The following RGS6 variants were observed in gnomAD, a reference collection of about 807,000 sequenced individuals.
RGS6 encodes the protein regulator of G-protein signaling 6.
RGS6 carries 30 observed loss-of-function variants against 78.5 expected under a neutral mutation model. The ratio of observed to expected loss-of-function variants is 0.38; its 90% CI spans 0.29 to 0.52. The LOEUF (loss-of-function observed/expected upper bound fraction) is 0.52, where lower values mean the gene tolerates loss of function less well. Ranked by LOEUF, RGS6 falls within the 20% of genes least tolerant of loss-of-function variation. The probability of loss-of-function intolerance (pLI) is 0.85; values close to 1 mark genes in which losing one functional copy is unlikely to be tolerated. For synonymous variants in RGS6, 206 were observed against 206.0 expected, an observed-to-expected ratio of 1.00 and a Z score of 0.00; for missense variants, 495 against 609.7, an observed-to-expected ratio of 0.81 and a Z score of 1.98.
At chr14:72,489,161 C>CCCCG (rs1019318917) in intron 12 of RGS6, among the ~76,000 whole-genome samples, 1 of 149,902 alleles carries the variant, frequency 6.7e-6, no homozygotes, top group Admixed American at 6.6e-5. Context: ...AGGGGGCCCC[C>CCCCG]CCACCGGCTG....
intron 2 of RGS6, among the ~76,000 whole-genome samples, chr14:72,026,547 C>G (rs11850234): frequency 0.13 from 20,489 of 152,242 alleles, 1,469 homozygotes; most frequent in African/African-American, 0.18. Context: ...ATCAGGGATG[C>G]AGTTTCCAGT....
chr14:72,364,377 C>T (rs2152805999), intron 3 of RGS6, among the ~76,000 whole-genome samples: 1 of 152,270 alleles, frequency 6.6e-6, no homozygotes, highest in Middle Eastern at 3.4e-3. Context: ...TAATACATGG[C>T]CACCCTGTTA....
chr14:72,426,446 G>A (rs1232852409), intron 3 of RGS6, among the ~76,000 whole-genome samples: 1 of 152,170 alleles, frequency 6.6e-6, no homozygotes, highest in African/African-American at 2.4e-5. Flanking sequence ...CTATTTTATG[G>A]TATTGAGAGC....
intron 2 of RGS6, among the ~76,000 whole-genome samples, chr14:72,216,915 C>T (rs2045716727): frequency 1.3e-5 from 2 of 152,040 alleles, no homozygotes; most frequent in South Asian, 4.1e-4. Flanking sequence ...ATTTACTTTA[C>T]AAATGTATAT....
intron 2 of RGS6, among the ~76,000 whole-genome samples, chr14:72,282,617 A>G (rs1008259173): frequency 2.6e-5 from 4 of 152,176 alleles, no homozygotes; most frequent in African/African-American, 9.7e-5. Context: ...TTGAGGCATA[A>G]TTGATATTAA....
rs538918387 is a variant in RGS6 at position 72,016,665 on chromosome 14, G to A, written c.84+51790G>A. Among the ~76,000 whole-genome samples, 6 of 152,272 alleles carry A rather than the reference G, an allele frequency of 3.9e-5. No homozygotes were observed. The South Asian group carries it at 1.0e-3, about 26-fold the overall frequency. ...CAGGCGTGAGCCACCGCGCCCGACT[G>A]TTCTTTGTTAATGGTGTGTTTGCTT... On this transcript the variant is annotated intron_variant, in intron 2 of 17. Transcript: ENST00000553525.
chr14:72,510,058 A>G, intron 13 of RGS6, 96 bp from the exon 14 acceptor site: 1 of 1,374,778 alleles, frequency 7.3e-7, no homozygotes, highest in South Asian at 1.5e-5. Context: ...CCCTTTGGTG[A>G]GTGACTGCAA....
intron 3 of RGS6, among the ~76,000 whole-genome samples, chr14:72,424,497 G>GA (rs1318265222): frequency 6.6e-6 from 1 of 152,066 alleles, no homozygotes; most frequent in East Asian, 1.9e-4. Flanking sequence ...CTTTTTTGGT[G>GA]AAAACTCTTA....
At chr14:72,132,702 G>A (rs983943996) in intron 2 of RGS6, among the ~76,000 whole-genome samples, 6 of 151,628 alleles carry the variant, frequency 4.0e-5, no homozygotes, top group African/African-American at 1.5e-4. Flanking sequence ...GAAGTTACTT[G>A]ACTCTGGTTA....
At chr14:72,281,503 C>A (rs1207190792) in intron 2 of RGS6, among the ~76,000 whole-genome samples, 2 of 152,124 alleles carry the variant, frequency 1.3e-5, no homozygotes, top group Non-Finnish European at 2.9e-5. Context: ...ACATGTATTT[C>A]ATGACTTCAA....
At chr14:71,981,278 C>G (rs145192742) in intron 2 of RGS6, among the ~76,000 whole-genome samples, 3 of 151,846 alleles carry the variant, frequency 2.0e-5, no homozygotes, top group Admixed American at 6.6e-5. Context: ...AGTCATTCTC[C>G]GTCCAGCTTT....
the RGS6 span, among the ~76,000 whole-genome samples, chr14:71,874,619 A>C: frequency 6.6e-6 from 1 of 152,052 alleles, no homozygotes; most frequent in East Asian, 1.9e-4. Context: ...CTTTTCCTAA[A>C]TGAATACCCT....
rs117080791 is a variant in RGS6 at position 72,467,574 on chromosome 14, C to T, written c.459+1752C>T. On this transcript the variant is annotated intron_variant, in intron 7 of 17. Transcript: ENST00000553525. ...ATGCGCATGCCATTGGGGAGCAGGA[C>T]GTGTGCATGGTCCTTCACCTCTTTG... 4.9e-3 allele frequency among the ~76,000 whole-genome samples: 747 copies of T among 152,254 alleles called. 3 individuals are homozygous for T. Among genetic ancestry groups the T allele is most frequent in the Non-Finnish European group, 7.1e-3 (486 of 68,022 alleles).
At chr14:72,031,075 T>C (rs9944139) in intron 2 of RGS6, among the ~76,000 whole-genome samples, 125,665 of 151,712 alleles carry the variant, frequency 0.83, 52,138 homozygotes, top group South Asian at 0.89. Context: ...AAATATATAC[T>C]GAATAGATTC....
At chr14:72,239,359 G>C (rs2052110624) in intron 2 of RGS6, among the ~76,000 whole-genome samples, 1 of 152,158 alleles carries the variant, frequency 6.6e-6, no homozygotes, top group Non-Finnish European at 1.5e-5. Flanking sequence ...TAATGCACCT[G>C]CCCAGGAAGT....
chr14:72,628,636 A>AAG, the RGS6 span, among the ~76,000 whole-genome samples: 1,929 of 149,682 alleles, frequency 0.013, 39 homozygotes, highest in African/African-American at 0.043. Flanking sequence ...GTCTTGCCAA[A>AAG]AGAGAGAGAG....
chr14:71,951,679 T>C (rs1416659769), intron 1 of RGS6, among the ~76,000 whole-genome samples: 2 of 152,362 alleles, frequency 1.3e-5, no homozygotes, highest in South Asian at 4.1e-4. Flanking sequence ...ATCTCTAGCC[T>C]AAATTGGGAG....
chr14:72,161,974 T>A (rs1436110629), intron 2 of RGS6, among the ~76,000 whole-genome samples: 4 of 152,248 alleles, frequency 2.6e-5, no homozygotes, highest in Non-Finnish European at 4.4e-5. Flanking sequence ...CTGTTCTTCC[T>A]CTCATCTAGT....
intron 2 of RGS6, among the ~76,000 whole-genome samples, chr14:72,281,187 C>T (rs925618672): frequency 7.6e-6 from 1 of 131,294 alleles, no homozygotes; most frequent in African/African-American, 3.0e-5. Flanking sequence ...CTCGCTCTGT[C>T]ATCCAGGCTG....
Sources: gnomAD v4.1 joint callset for allele counts (sites outside exome capture counted in the v4.1 genomes callset) on GRCh38, gnomAD v4.1.1 for gene constraint, MANE v1.5 for transcripts, NCBI Gene and HGNC (gene_info 2026-07-23, HGNC 2026-07-21) for gene names.